The following SDK1 variants were observed in gnomAD, a reference collection of about 807,000 sequenced individuals.
SDK1 encodes protein sidekick-1.
SDK1 carries 157 observed loss-of-function variants against 245.5 expected under a neutral mutation model. The ratio of observed to expected loss-of-function variants is 0.64; its 90% CI spans 0.56 to 0.73. The LOEUF (loss-of-function observed/expected upper bound fraction) is 0.73, where lower values mean the gene tolerates loss of function less well. Ranked by LOEUF, SDK1 falls within the 30% of genes least tolerant of loss-of-function variation. SDK1 has a pLI of 0.00. For synonymous variants in SDK1, 1,647 were observed against 1,278.5 expected (o/e 1.29, Z -6.15); for missense variants, 3,583 against 3,002.3 (o/e 1.19, Z -4.52).
rs186392357 is a variant in SDK1, at chr7:3,692,779, C to T, written c.713+50674C>T. Reference sequence around the variant, plus strand: ...GTAATATACAATATGAAACATTCCCCTGTATTCTAGAATCGCATCGATTTA... The same window carrying T: ...GTAATATACAATATGAAACATTCCCTTGTATTCTAGAATCGCATCGATTTA... On this transcript the variant is annotated intron_variant, in intron 4 of 44. Transcript: ENST00000404826. 1.7e-3 allele frequency among the ~76,000 whole-genome samples: 255 copies of T among 152,150 alleles called. 1 individual carries two copies. The highest frequency in any genetic ancestry group is 6.0e-3 in the African/African-American group (248 of 41,524).
intron 1 of SDK1, among the ~76,000 whole-genome samples, chr7:3,500,539 T>C (rs758123304): frequency 3.9e-5 from 6 of 152,226 alleles, no homozygotes; most frequent in Non-Finnish European, 7.3e-5. Flanking sequence ...ATTATTCTTA[T>C]GTGATCTTGC....
At chr7:3,894,199 G>A (rs543515731) in intron 5 of SDK1, among the ~76,000 whole-genome samples, 4 of 152,252 alleles carry the variant, frequency 2.6e-5, no homozygotes, top group South Asian at 2.1e-4. Context: ...ATGTACTACC[G>A]ATGGTATTAA....
At chr7:3,590,734 G>T (rs1780840799) in intron 1 of SDK1, among the ~76,000 whole-genome samples, 1 of 151,286 alleles carries the variant, frequency 6.6e-6, no homozygotes, top group Non-Finnish European at 1.5e-5. Flanking sequence ...CTCACTGCTG[G>T]ACCTTTAGAT....
chr7:3,710,140 A>G (rs1413881580), intron 4 of SDK1, among the ~76,000 whole-genome samples: 1 of 152,146 alleles, frequency 6.6e-6, no homozygotes, highest in Non-Finnish European at 1.5e-5. Context: ...CAGAGAATTG[A>G]TTCTCCTCTC....
intron 1 of SDK1, among the ~76,000 whole-genome samples, chr7:3,602,970 C>G (rs1181944291): frequency 6.6e-6 from 1 of 152,122 alleles, no homozygotes; most frequent in East Asian, 1.9e-4. Context: ...TCAGGTTTGT[C>G]AAAGATCAGA....
chr7:3,332,951 G>A (rs753828092), intron 1 of SDK1, among the ~76,000 whole-genome samples: 38 of 152,212 alleles, frequency 2.5e-4, no homozygotes, highest in Non-Finnish European at 4.4e-4. Flanking sequence ...AGGCTAAGTT[G>A]AGCCTGGGGA....
chr7:4,083,848 T>C (rs1018782490), intron 22 of SDK1, among the ~76,000 whole-genome samples: 4 of 140,370 alleles, frequency 2.8e-5, no homozygotes, highest in South Asian at 2.5e-4. Context: ...TCTCTGTCTG[T>C]CTCCCTCCCT....
chr7:3,399,099 A>G (rs1778813420), intron 1 of SDK1, among the ~76,000 whole-genome samples: 1 of 152,022 alleles, frequency 6.6e-6, no homozygotes, highest in Non-Finnish European at 1.5e-5. Context: ...GTGTAACTTC[A>G]TGCACTTGGG....
chr7:4,076,494 T>G (rs1422615109), intron 20 of SDK1, among the ~76,000 whole-genome samples: 1 of 152,182 alleles, frequency 6.6e-6, no homozygotes, highest in East Asian at 1.9e-4. Flanking sequence ...AGGTTGAGGC[T>G]GCAGTGAGCT....
intron 4 of SDK1, among the ~76,000 whole-genome samples, chr7:3,670,258 A>T (rs1783656375): frequency 6.6e-6 from 1 of 152,164 alleles, no homozygotes; most frequent in Non-Finnish European, 1.5e-5. Context: ...CCAAATCCTT[A>T]ATATAAACAG....
intron 44 of SDK1, among the ~76,000 whole-genome samples, chr7:4,252,194 C>G (rs1038006065): frequency 2.0e-5 from 3 of 151,296 alleles, no homozygotes; most frequent in Non-Finnish European, 2.9e-5. Flanking sequence ...TCTCCTAATG[C>G]TATCCCTCCC....
chr7:4,222,140 G>A (rs888632791), intron 40 of SDK1, among the ~76,000 whole-genome samples: 20 of 152,204 alleles, frequency 1.3e-4, no homozygotes, highest in Non-Finnish European at 2.1e-4. Flanking sequence ...GGACCACGGT[G>A]CTAGGAACTA....
intron 14 of SDK1, among the ~76,000 whole-genome samples, chr7:3,994,951 C>T (rs917104466): frequency 2.2e-4 from 34 of 152,236 alleles, no homozygotes; most frequent in African/African-American, 7.2e-4. Context: ...GAGAACCCAC[C>T]GCTGGGGCTG....
At chr7:3,659,288 A>C (rs931276798) in intron 4 of SDK1, among the ~76,000 whole-genome samples, 1 of 152,214 alleles carries the variant, frequency 6.6e-6, no homozygotes, top group South Asian at 2.1e-4. Flanking sequence ...GTATGATATC[A>C]CATAGGTTCC....
chr7:3,953,390 C>A (rs1381153140), intron 7 of SDK1, among the ~76,000 whole-genome samples: 1 of 152,208 alleles, frequency 6.6e-6, no homozygotes, highest in African/African-American at 2.4e-5. Flanking sequence ...GGCTTTGAGT[C>A]ACCAATCACT....
chr7:3,803,429 G>A (rs1178203296), intron 4 of SDK1, among the ~76,000 whole-genome samples: 1 of 151,168 alleles, frequency 6.6e-6, no homozygotes, highest in African/African-American at 2.4e-5. Context: ...TCCCACCTCA[G>A]CCTCCTGAGT....
intron 1 of SDK1, among the ~76,000 whole-genome samples, chr7:3,309,301 T>C (rs1003267411): frequency 2.6e-5 from 4 of 151,490 alleles, no homozygotes; most frequent in African/African-American, 7.3e-5. Flanking sequence ...TTGATTTTTA[T>C]ACACAAACCA....
intron 4 of SDK1, among the ~76,000 whole-genome samples, chr7:3,757,557 A>T (rs1779968207): frequency 6.6e-6 from 1 of 152,088 alleles, no homozygotes; most frequent in Admixed American, 6.5e-5. Flanking sequence ...TTTACTTTCT[A>T]TGACCAATTT....
At chr7:3,741,225 G>A (rs1779465962) in intron 4 of SDK1, among the ~76,000 whole-genome samples, 1 of 152,170 alleles carries the variant, frequency 6.6e-6, no homozygotes, top group African/African-American at 2.4e-5. Context: ...CATGGGACTG[G>A]CCAGTGTGTT....
Sources: gnomAD v4.1 joint callset for allele counts (sites outside exome capture counted in the v4.1 genomes callset) on GRCh38, gnomAD v4.1.1 for gene constraint, MANE v1.5 for transcripts, NCBI Gene and HGNC (gene_info 2026-07-23, HGNC 2026-07-21) for gene names.